The following PTPRD variants were observed in gnomAD, a reference collection of about 807,000 sequenced individuals.
PTPRD encodes the protein protein tyrosine phosphatase receptor type D.
PTPRD carries 34 observed loss-of-function variants against 214.5 expected under a neutral mutation model. The observed-to-expected ratio is 0.16, with a 90% CI of 0.12 to 0.21. The LOEUF is 0.21. Among genes scored for constraint, PTPRD ranks in the 10% least tolerant of loss-of-function variants. The probability of loss-of-function intolerance (pLI) is 1.00; values close to 1 mark genes in which losing one functional copy is unlikely to be tolerated. For synonymous variants in PTPRD, 1,128 were observed against 845.7 expected, an observed-to-expected ratio of 1.33 and a Z score of -5.79; for missense variants, 2,545 against 2,398.7, an observed-to-expected ratio of 1.06 and a Z score of -1.27.
intron 12 of PTPRD, among the ~76,000 whole-genome samples, chr9:8,639,186 C>G (rs1410147194): frequency 6.6e-6 from 1 of 152,186 alleles, no homozygotes; most frequent in Non-Finnish European, 1.5e-5. Flanking sequence ...TTACAAAACA[C>G]TGTACATTGA....
At chr9:8,883,420 T>A (rs2098462622) in intron 11 of PTPRD, among the ~76,000 whole-genome samples, 1 of 152,234 alleles carries the variant, frequency 6.6e-6, no homozygotes, top group South Asian at 2.1e-4. Context: ...TCCTTAGACA[T>A]TCATTGGCCA....
chr9:10,174,924 A>C (rs1417714434), intron 3 of PTPRD, among the ~76,000 whole-genome samples: 1 of 152,116 alleles, frequency 6.6e-6, no homozygotes, highest in Non-Finnish European at 1.5e-5. Context: ...GTAATCAGTA[A>C]AATTAGTAAA....
chr9:8,618,914 GTTTT>G (rs554282961), intron 14 of PTPRD, among the ~76,000 whole-genome samples: 31 of 67,834 alleles, frequency 4.6e-4, no homozygotes, highest in Non-Finnish European at 7.5e-4. Context: ...GTGTTTTTTT[GTTTT>G]TTTTTTTTTT....
rs77375623 is a variant in PTPRD, at chr9:8,653,416, G to A, written c.65-16572C>T. Among the ~76,000 whole-genome samples the A allele has an allele frequency of 2.0e-4, 30 of 152,066 alleles. No homozygotes were observed. In the East Asian group the frequency reaches 5.4e-3, roughly 27 times the overall value. ...TAATATAGTCATTATTTTTTTAAAG[G>A]GTCAATATAAAGGTTCTGCCATCCT... is the stretch of plus-strand genomic sequence containing the variant. On this transcript the variant is annotated intron_variant, in intron 12 of 45. Transcript: ENST00000381196.
chr9:8,374,703 G>A (rs1207234058), intron 39 of PTPRD, among the ~76,000 whole-genome samples: 2 of 152,080 alleles, frequency 1.3e-5, no homozygotes, highest in South Asian at 2.1e-4. Context: ...ATAGGGGAGT[G>A]CTTTGAAATT....
Position 9,619,159 on chromosome 9 carries a change from T to C in PTPRD, c.-286-44378A>G, listed in dbSNP as rs537640339. Among the ~76,000 whole-genome samples the C allele has an allele frequency of 5.3e-4, 81 of 152,248 alleles. 1 individual carries two copies. Among genetic ancestry groups the C allele is most frequent in the Admixed American group, 4.8e-3 (73 of 15,290 alleles). On this transcript the variant is annotated intron_variant, in intron 7 of 45. Transcript: ENST00000381196. ...CATGAGTTGTGAGGAGGTATGCACT[T>C]AGAGAAAACAACTCTTTCAAGACAC...
intron 11 of PTPRD, among the ~76,000 whole-genome samples, chr9:8,947,817 T>A (rs934708112): frequency 3.3e-5 from 5 of 152,096 alleles, no homozygotes; most frequent in African/African-American, 1.2e-4. Context: ...TTTGGCAAAA[T>A]AATGGTGATA....
chr9:9,116,097 T>C (rs948216639), intron 10 of PTPRD, among the ~76,000 whole-genome samples: 1 of 152,048 alleles, frequency 6.6e-6, no homozygotes, highest in African/African-American at 2.4e-5. Context: ...AAAAATGACC[T>C]ATTGGGTACT....
intron 44 of PTPRD, 69 bp downstream of exon 44, chr9:8,331,500 GCAAACTTACTACA>G: frequency 6.7e-7 from 1 of 1,489,020 alleles, no homozygotes; most frequent in Non-Finnish European, 9.1e-7. Context: ...TTTCAAATAA[GCAAACTTACTACA>G]AAAAGTGTAT....
At chr9:9,873,149 C>T (rs569268626) in intron 5 of PTPRD, among the ~76,000 whole-genome samples, 3 of 152,084 alleles carry the variant, frequency 2.0e-5, no homozygotes, top group Non-Finnish European at 2.9e-5. Flanking sequence ...GAAGATCCGA[C>T]GAAGAAATAT....
intron 35 of PTPRD, among the ~76,000 whole-genome samples, chr9:8,431,677 G>C (rs2095063714): frequency 6.6e-6 from 1 of 152,150 alleles, no homozygotes. Flanking sequence ...TCAAATTGAA[G>C]TCTTTGGAGC....
At chr9:10,501,762 G>T (rs575416211) in intron 2 of PTPRD, among the ~76,000 whole-genome samples, 1 of 151,886 alleles carries the variant, frequency 6.6e-6, no homozygotes, top group African/African-American at 2.4e-5. Context: ...AGTATTAATC[G>T]TCTCTCAGAT....
intron 10 of PTPRD, among the ~76,000 whole-genome samples, chr9:9,151,209 T>A (rs1245767444): frequency 1.3e-5 from 2 of 152,230 alleles, no homozygotes; most frequent in South Asian, 4.1e-4. Context: ...ATGACAATTG[T>A]TTTGGGGAGT....
At chr9:9,172,769 C>T (rs377732440) in intron 10 of PTPRD, among the ~76,000 whole-genome samples, 168 of 152,202 alleles carry the variant, frequency 1.1e-3, no homozygotes, top group African/African-American at 3.9e-3. Context: ...AGAATTTAAC[C>T]ATTTCTCTGA....
chr9:9,131,693 G>C (rs2099842904), intron 10 of PTPRD, among the ~76,000 whole-genome samples: 1 of 152,060 alleles, frequency 6.6e-6, no homozygotes. Context: ...TGCCCAAAGA[G>C]TTTCTCTGTA....
intron 9 of PTPRD, among the ~76,000 whole-genome samples, chr9:9,265,720 C>T (rs1303550742): frequency 6.7e-6 from 1 of 150,046 alleles, no homozygotes; most frequent in East Asian, 2.0e-4. Context: ...AGTATATACA[C>T]AAAAGATGAA....
chr9:8,914,357 A>G (rs2098769900), intron 11 of PTPRD, among the ~76,000 whole-genome samples: 1 of 152,166 alleles, frequency 6.6e-6, no homozygotes, highest in African/African-American at 2.4e-5. Context: ...ACACTTTGCC[A>G]TTTGTTCTGT....
intron 3 of PTPRD, among the ~76,000 whole-genome samples, chr9:10,325,333 C>T (rs1470582719): frequency 6.6e-6 from 1 of 151,952 alleles, no homozygotes; most frequent in Non-Finnish European, 1.5e-5. Context: ...TTTTAATGTT[C>T]TACTGAGGCA....
At chr9:8,675,876 G>C (rs866834883) in intron 12 of PTPRD, among the ~76,000 whole-genome samples, 68 of 152,282 alleles carry the variant, frequency 4.5e-4, no homozygotes, top group African/African-American at 1.6e-3. Context: ...TGAAGTCAGA[G>C]TATGTTTTCT....
Sources: gnomAD v4.1 joint callset for allele counts (sites outside exome capture counted in the v4.1 genomes callset) on GRCh38, gnomAD v4.1.1 for gene constraint, MANE v1.5 for transcripts, NCBI Gene and HGNC (gene_info 2026-07-23, HGNC 2026-07-21) for gene names.